Variants in PROS1 observed in about 807,000 individuals in gnomAD.
PROS1 encodes vitamin K-dependent protein S.
PROS1 carries 29 observed loss-of-function variants against 75.9 expected under a neutral mutation model. The observed-to-expected ratio is 0.38, with a 90% CI of 0.28 to 0.52. The LOEUF (loss-of-function observed/expected upper bound fraction) is 0.52. Ranked by LOEUF, PROS1 falls within the 20% of genes least tolerant of loss-of-function variation. The probability of loss-of-function intolerance (pLI) is 0.83; values close to 1 mark genes in which losing one functional copy is unlikely to be tolerated. For synonymous variants in PROS1, 245 were observed against 280.6 expected (o/e 0.87, Z 1.27); for missense variants, 680 against 810.3 (o/e 0.84, Z 1.95).
chr3:93,896,937 ATCTTTG>A, intron 8 of PROS1, among the ~76,000 whole-genome samples: 1 of 152,280 alleles, frequency 6.6e-6, no homozygotes, highest in East Asian at 1.9e-4. Flanking sequence ...ATGGCTTTCG[ATCTTTG>A]TCTTTAATAC....
At chr3:93,902,695 G>A (rs1708613806) in intron 6 of PROS1, among the ~76,000 whole-genome samples, 2 of 151,812 alleles carry the variant, frequency 1.3e-5, no homozygotes, top group Admixed American at 1.3e-4. Flanking sequence ...AGAGGTTGCA[G>A]TGAGCCGAGC....
intron 4 of PROS1, 100 bp downstream of exon 4, chr3:93,910,519 A>T: frequency 8.8e-6 from 8 of 904,368 alleles, no homozygotes; most frequent in East Asian, 2.6e-5. Context: ...CCATCAAAGG[A>T]TCATTTCTCA....
At chr3:93,946,648 A>T in intron 1 of PROS1, among the ~76,000 whole-genome samples, 1 of 152,118 alleles carries the variant, frequency 6.6e-6, no homozygotes, top group Non-Finnish European at 1.5e-5. Flanking sequence ...CTTATACAAA[A>T]TTTAATTCAA....
intron 10 of PROS1, among the ~76,000 whole-genome samples, chr3:93,891,607 G>A (rs575811044): frequency 4.6e-5 from 7 of 152,014 alleles, no homozygotes; most frequent in South Asian, 4.2e-4. Context: ...ATGGGGTTTC[G>A]CCATGTTGGT....
intron 3 of PROS1, among the ~76,000 whole-genome samples, chr3:93,916,177 A>C (rs1708845445): frequency 6.6e-6 from 1 of 152,124 alleles, no homozygotes; most frequent in Non-Finnish European, 1.5e-5. Flanking sequence ...GCCCCAGTAA[A>C]ACCTAAGTAG....
chr3:93,894,789 G>A (rs542069166), intron 9 of PROS1, among the ~76,000 whole-genome samples: 9 of 152,028 alleles, frequency 5.9e-5, no homozygotes, highest in Non-Finnish European at 5.9e-5. Context: ...ATCACACAAG[G>A]GGCAGTTTAT....
chr3:93,920,820 T>C (rs1482996460), intron 3 of PROS1, among the ~76,000 whole-genome samples: 1 of 152,122 alleles, frequency 6.6e-6, no homozygotes, highest in Non-Finnish European at 1.5e-5. Flanking sequence ...CCCTCCTTTC[T>C]CATGCTAATT....
rs1708199890 is a variant in PROS1, at chr3:93,877,027, T to C, written c.1809A>G (p.Gln603=). ...TCATTGCTTTGTCCAAGACGGCAAG[T>C]TGTCTTTGAAGGTCTTCATGGGAGA... The part of the protein sequence containing the change: ...ETISHEDLQR[Q]LAVLDKAMKA... Residue 603 remains glutamine, a synonymous_variant, in exon 14 of 15, where the codon CAA becomes CAG. Coordinates refer to ENST00000394236, the MANE Select transcript of PROS1 (RefSeq NM_000313.4). 2.5e-6 allele frequency: 4 copies of C among 1,613,898 alleles called. No homozygotes were observed. In the South Asian group the frequency reaches 4.4e-5, roughly 18 times the overall value.
chr3:93,943,245 A>C (rs1185223832), intron 1 of PROS1, among the ~76,000 whole-genome samples: 6 of 152,138 alleles, frequency 3.9e-5, no homozygotes, highest in African/African-American at 1.4e-4. Flanking sequence ...CTCCAACTTA[A>C]AAAGGAGGAC....
intron 1 of PROS1, chr3:93,928,767 T>C (rs1313778868): frequency 4.6e-6 from 6 of 1,291,430 alleles, no homozygotes; most frequent in Non-Finnish European, 6.1e-6. Context: ...TGCACGGTTG[T>C]ATATAAAATC....
intron 1 of PROS1, among the ~76,000 whole-genome samples, chr3:93,960,471 T>TG (rs1709689121): frequency 6.7e-6 from 1 of 149,562 alleles, no homozygotes; most frequent in Admixed American, 6.7e-5. Flanking sequence ...CCACCGCGTC[T>TG]GGCTGCGTTT....
chr3:93,893,846 T>TG (rs1310972050), intron 9 of PROS1, among the ~76,000 whole-genome samples: 1 of 152,140 alleles, frequency 6.6e-6, no homozygotes, highest in Non-Finnish European at 1.5e-5. Context: ...CCCATGTGTT[T>TG]GGGGGGTATC....
intron 10 of PROS1, among the ~76,000 whole-genome samples, chr3:93,888,937 A>T (rs1708388926): frequency 6.6e-6 from 1 of 152,086 alleles, no homozygotes; most frequent in African/African-American, 2.4e-5. Context: ...GCCCTAGATG[A>T]TCTTATTCTA....
intron 10 of PROS1, 45 bp from the exon 11 acceptor site, chr3:93,886,548 A>G (rs1325611297): frequency 4.2e-6 from 6 of 1,426,720 alleles, no homozygotes; most frequent in South Asian, 1.2e-5. Context: ...GTATTACTAC[A>G]TGTCATTTGA....
At chr3:93,912,760 T>A (rs1330274654) in intron 3 of PROS1, among the ~76,000 whole-genome samples, 1 of 152,194 alleles carries the variant, frequency 6.6e-6, no homozygotes, top group African/African-American at 2.4e-5. Flanking sequence ...AGCAAGACGC[T>A]GAATTTGCAG....
intron 12 of PROS1, among the ~76,000 whole-genome samples, chr3:93,880,391 A>G (rs1051935376): frequency 6.6e-6 from 1 of 152,080 alleles, no homozygotes; most frequent in Non-Finnish European, 1.5e-5. Flanking sequence ...AGTCCCAGCT[A>G]CAACTCGGGA....
chr3:93,939,231 CA>C (rs1218528510), intron 1 of PROS1, among the ~76,000 whole-genome samples: 3 of 152,104 alleles, frequency 2.0e-5, no homozygotes, highest in Non-Finnish European at 4.4e-5. Flanking sequence ...ATAAAATGAG[CA>C]AATGGTCTGA....
intron 2 of PROS1, among the ~76,000 whole-genome samples, chr3:93,926,516 C>T (rs1289206169): frequency 6.6e-6 from 1 of 152,152 alleles, no homozygotes; most frequent in Non-Finnish European, 1.5e-5. Context: ...CCTCTAATCC[C>T]ACCTACTCAG....
intron 1 of PROS1, among the ~76,000 whole-genome samples, chr3:93,944,845 T>C (rs1369716585): frequency 1.3e-5 from 2 of 151,702 alleles, no homozygotes; most frequent in East Asian, 3.9e-4. Flanking sequence ...AAAAAACCCT[T>C]CAAAAAAATC....
Sources: allele counts gnomAD v4.1 joint callset (sites outside exome capture counted in the v4.1 genomes callset), GRCh38; gene constraint gnomAD v4.1.1; transcripts MANE v1.5; gene names NCBI Gene and HGNC (gene_info 2026-07-23, HGNC 2026-07-21).